The following PCDHGB3 variants were observed in gnomAD, a reference collection of about 807,000 sequenced individuals.
PCDHGB3 encodes the protein protocadherin gamma-B3.
A neutral mutation model predicts 59.2 loss-of-function variants in PCDHGB3; 40 were observed. The observed-to-expected ratio is 0.68, with a 90% CI of 0.52 to 0.88. PCDHGB3 has a LOEUF of 0.88. Among genes scored for constraint, PCDHGB3 ranks in the 40% least tolerant of loss-of-function variants. The pLI, the probability that PCDHGB3 is intolerant of heterozygous loss-of-function variation, is 0.00. For synonymous variants in PCDHGB3, 581 were observed against 503.6 expected, an observed-to-expected ratio of 1.15 and a Z score of -2.06; for missense variants, 1,309 against 1,187.9, an observed-to-expected ratio of 1.10 and a Z score of -1.50.
intron 1 of PCDHGB3, chr5:141,375,232 C>G: frequency 6.2e-7 from 1 of 1,613,986 alleles, no homozygotes; most frequent in Non-Finnish European, 8.5e-7. Flanking sequence ...GCCTGGTAAC[C>G]TGTTCCATCC....
chr5:141,482,245 G>A (rs72790067), intron 1 of PCDHGB3, among the ~76,000 whole-genome samples: 74 of 152,252 alleles, frequency 4.9e-4, no homozygotes, highest in Non-Finnish European at 7.9e-4. Flanking sequence ...TATAAGTATA[G>A]TACTGTACAT....
chr5:141,423,325 G>A lies in PCDHGB3; in HGVS notation c.2415+50516G>A, dbSNP rs201044967. ...GCTGTACTTGGTGGTGGCGGTGGCCGCAGTCTCCTGCATCTTCCTGGTCTT... is the reference window on the plus strand; with the variant it reads ...GCTGTACTTGGTGGTGGCGGTGGCCACAGTCTCCTGCATCTTCCTGGTCTT... On this transcript the variant is annotated intron_variant, in intron 1 of 3. Coordinates refer to ENST00000576222, the MANE Select transcript of PCDHGB3 (RefSeq NM_018924.5). 133 of 1,614,016 alleles carry A rather than the reference G, an allele frequency of 8.2e-5. No individual in the cohort carries two copies. Among genetic ancestry groups the A allele is most frequent in the Non-Finnish European group, 4.1e-5 (48 of 1,180,008 alleles).
intron 1 of PCDHGB3, chr5:141,418,232 G>A (rs1034684988): frequency 6.2e-7 from 1 of 1,614,066 alleles, no homozygotes; most frequent in Non-Finnish European, 8.5e-7. Flanking sequence ...GGTGATTGAG[G>A]ATGTTAATGA....
intron 1 of PCDHGB3, among the ~76,000 whole-genome samples, chr5:141,387,290 A>G (rs2090890389): frequency 6.6e-6 from 1 of 152,168 alleles, no homozygotes; most frequent in Non-Finnish European, 1.5e-5. Flanking sequence ...GAAAGATAAA[A>G]TGTATCCAGT....
chr5:141,398,689 G>T, intron 1 of PCDHGB3: 1 of 1,613,766 alleles, frequency 6.2e-7, no homozygotes, highest in Non-Finnish European at 8.5e-7. Context: ...GAAACAGGAT[G>T]GTAGTAAATA....
At chr5:141,384,723 G>A (rs1780414266) in intron 1 of PCDHGB3, 1 of 1,614,142 alleles carries the variant, frequency 6.2e-7, no homozygotes, top group Non-Finnish European at 8.5e-7. Flanking sequence ...CATACCTCCT[G>A]CTTAAGGCCA....
intron 1 of PCDHGB3, among the ~76,000 whole-genome samples, chr5:141,483,526 G>A (rs2099582495): frequency 6.6e-6 from 1 of 152,118 alleles, no homozygotes; most frequent in African/African-American, 2.4e-5. Flanking sequence ...TCCTGACTAA[G>A]GAAGCTGGGT....
At chr5:141,438,591 CATAT>C (rs946798767) in intron 1 of PCDHGB3, among the ~76,000 whole-genome samples, 213 of 75,464 alleles carry the variant, frequency 2.8e-3, no homozygotes, top group African/African-American at 5.5e-3. Flanking sequence ...TACATACATA[CATAT>C]ATATATATAT....
At position 141,477,722 on chromosome 5, in the gene PCDHGB3, A is replaced by G. The variant is rs768705340; in HGVS notation, c.2416-17085A>G. 9.3e-6 allele frequency: 15 copies of G among 1,613,878 alleles called. No homozygotes were observed. In the Middle Eastern group the frequency reaches 6.6e-4, roughly 71 times the overall value. On this transcript the variant is annotated intron_variant, in intron 1 of 3. Transcript: ENST00000576222. The surrounding 1 kb of genome is among the most constrained non-coding windows in gnomAD (Gnocchi z 4.9). ...TGAGGATCGGCGGGAATTTGAATTA[A>G]CAGCTCATATCAGCGATGGGGGCAC...
At chr5:141,390,830 G>A in intron 1 of PCDHGB3, 1 of 164,036 alleles carries the variant, frequency 6.1e-6, no homozygotes, top group Non-Finnish European at 1.3e-5. Flanking sequence ...TATGTCCATG[G>A]ACCCCTTGTG....
Position 141,485,210 on chromosome 5 carries a change from C to T in PCDHGB3, c.2416-9597C>T, listed in dbSNP as rs2099609472. 1.2e-6 allele frequency: 2 copies of T among 1,614,058 alleles called. No individual in the cohort carries two copies. The highest frequency in any genetic ancestry group is 1.3e-5 in the African/African-American group (1 of 75,046). ...GGTGAGAAGCTGGACAGAAATCTGG[C>T]GGTGGGCTACCCTTTTGTTCCTCTT... On this transcript the variant is annotated intron_variant, in intron 1 of 3. Coordinates refer to ENST00000576222, the MANE Select transcript of PCDHGB3 (RefSeq NM_018924.5). The surrounding 1 kb of genome is among the most constrained non-coding windows in gnomAD (Gnocchi z 5.7).
chr5:141,388,043 C>T (rs952133270), intron 1 of PCDHGB3: 6 of 1,412,324 alleles, frequency 4.2e-6, no homozygotes, highest in Middle Eastern at 5.0e-4. Flanking sequence ...TCGCCACGGA[C>T]CTGGGGTTCA....
chr5:141,383,388 C>A (rs764387936), intron 1 of PCDHGB3: 106 of 1,613,860 alleles, frequency 6.6e-5, no homozygotes, highest in Non-Finnish European at 8.6e-5. Flanking sequence ...CAGATGTGGG[C>A]ACGAACTCCC....
chr5:141,403,315 A>C, intron 1 of PCDHGB3: 1 of 1,613,974 alleles, frequency 6.2e-7, no homozygotes, highest in African/African-American at 1.3e-5. Flanking sequence ...GAATAGAAAT[A>C]GAAGTAACTG....
chr5:141,487,297 C>A lies in PCDHGB3; in HGVS notation c.2416-7510C>A. ...TTTGCTTTGTCTCCTTTGGCTCATT[C>A]GTGGCACTACTCTCTAAGTGTCTTC... is the stretch of plus-strand genomic sequence containing the variant. On this transcript the variant is annotated intron_variant, in intron 1 of 3. Transcript: ENST00000576222. This position sits in a 1 kb window ranked among gnomAD's most constrained non-coding sequence, Gnocchi z 5.0. 1 of 1,614,102 alleles carries A rather than the reference C, an allele frequency of 6.2e-7. No homozygotes were observed. The highest frequency in any genetic ancestry group is 8.5e-7 in the Non-Finnish European group (1 of 1,180,002).
Position 141,372,259 on chromosome 5 carries a change from G to A in PCDHGB3, c.1865G>A (p.Arg622His), listed in dbSNP as rs1229622208. 9 of 1,613,108 alleles carry A rather than the reference G, an allele frequency of 5.6e-6. No individual in the cohort carries two copies. Among genetic ancestry groups the A allele is most frequent in the Non-Finnish European group, 7.6e-6 (9 of 1,179,748 alleles). Residue 622 changes from arginine (R) to histidine (H), a missense_variant, in exon 1 of 4, where the codon CGC (arginine) becomes CAC (histidine). Transcript: ENST00000576222. ...SEPGLFSLGL[R>H]TGEVRTARTL... The stretch of plus-strand genomic sequence containing the variant: ...CCCGGGCTGTTCAGCCTGGGCCTGC[G>A]CACGGGTGAGGTGCGCACGGCGCGT...
chr5:141,443,288 C>T (rs2098378643), intron 1 of PCDHGB3, among the ~76,000 whole-genome samples: 1 of 150,180 alleles, frequency 6.7e-6, no homozygotes, highest in Non-Finnish European at 1.5e-5. Context: ...TGAGACCAGC[C>T]TGGACAGCAT....
intron 1 of PCDHGB3, chr5:141,385,540 G>T: frequency 1.5e-6 from 2 of 1,323,840 alleles, no homozygotes; most frequent in Non-Finnish European, 1.9e-6. Context: ...ATGAATATGT[G>T]GACTATCACA....
At chr5:141,427,914 A>C in intron 1 of PCDHGB3, 1 of 1,576,800 alleles carries the variant, frequency 6.3e-7, no homozygotes, top group Non-Finnish European at 8.7e-7. Flanking sequence ...CAGCGCCAAC[A>C]TGAGCCGGCG....
Sources: allele counts gnomAD v4.1 joint callset (sites outside exome capture counted in the v4.1 genomes callset), GRCh38; gene constraint gnomAD v4.1.1; non-coding constraint Gnocchi (gnomAD v3.1); transcripts MANE v1.5; gene names NCBI Gene and HGNC (gene_info 2026-07-23, HGNC 2026-07-21).